EBPL: variants seen among roughly 807,000 people sequenced by gnomAD.
The protein encoded by EBPL is emopamil-binding protein-like.
Under a neutral mutation model 19.0 loss-of-function variants are expected in EBPL, and 20 were observed. The ratio of observed to expected loss-of-function variants is 1.05; its 90% CI spans 0.74 to 1.53. The LOEUF is 1.53. Ranked by LOEUF, EBPL falls within the 40% of genes most tolerant of loss-of-function variation. EBPL has a pLI of 0.00. For synonymous variants in EBPL, 107 were observed against 117.0 expected, an observed-to-expected ratio of 0.91 and a Z score of 0.55; for missense variants, 219 against 261.1, an observed-to-expected ratio of 0.84 and a Z score of 1.11.
At chr13:49,661,588 G>A (rs577632777) in intron 3 of EBPL, among the ~76,000 whole-genome samples, 9 of 152,284 alleles carry the variant, frequency 5.9e-5, no homozygotes, top group Non-Finnish European at 7.4e-5. Flanking sequence ...TCCTCAAACA[G>A]TGTAGTGCAG....
intron 1 of EBPL, among the ~76,000 whole-genome samples, chr13:49,683,836 T>C: frequency 6.6e-6 from 1 of 152,162 alleles, no homozygotes; most frequent in Admixed American, 6.5e-5. Context: ...TTCCAAGGCC[T>C]CGGCCTAGGA....
intron 1 of EBPL, among the ~76,000 whole-genome samples, chr13:49,681,415 T>G (rs9568303): frequency 2.6e-5 from 4 of 152,008 alleles, no homozygotes; most frequent in African/African-American, 7.2e-5. Context: ...CTCAGCCTCC[T>G]GAGTAGCTGA....
intron 3 of EBPL, 111 bp from the exon 4 acceptor site, chr13:49,661,319 C>T (rs936827271): frequency 1.4e-5 from 12 of 887,910 alleles, no homozygotes; most frequent in African/African-American, 8.4e-5. Context: ...CTATGAAAAC[C>T]GTCCTAAGTT....
At chr13:49,685,865 A>AG (rs1491395743) in intron 1 of EBPL, among the ~76,000 whole-genome samples, 73 of 145,358 alleles carry the variant, frequency 5.0e-4, no homozygotes, top group Admixed American at 1.2e-3. Context: ...AGAGAGAGAG[A>AG]AAAAAAAAAA....
At chr13:49,667,713 G>A (rs1385836979) in intron 2 of EBPL, among the ~76,000 whole-genome samples, 1 of 152,148 alleles carries the variant, frequency 6.6e-6, no homozygotes, top group Non-Finnish European at 1.5e-5. Flanking sequence ...TCAAACTCCT[G>A]GGCTCAAATA....
chr13:49,679,080 C>G (rs1419420645), intron 1 of EBPL, among the ~76,000 whole-genome samples: 5 of 151,424 alleles, frequency 3.3e-5, no homozygotes, highest in Non-Finnish European at 7.4e-5. Flanking sequence ...AAGATCAAAG[C>G]CACTGAAAAC....
chr13:49,674,271 T>G (rs1376437900), intron 1 of EBPL, among the ~76,000 whole-genome samples: 2 of 151,982 alleles, frequency 1.3e-5, no homozygotes, highest in African/African-American at 2.4e-5. Context: ...CCTGGCTAAT[T>G]TTTTGTATTT....
chr13:49,690,494 C>T (rs1165949366), intron 1 of EBPL, among the ~76,000 whole-genome samples: 2 of 63,356 alleles, frequency 3.2e-5, no homozygotes, highest in Non-Finnish European at 4.3e-5. Context: ...TGTGTGCGTG[C>T]GCGTGTGTGG....
chr13:49,690,932 T>C (rs73192681), intron 1 of EBPL, among the ~76,000 whole-genome samples: 9,435 of 152,230 alleles, frequency 0.062, 347 homozygotes, highest in South Asian at 0.11. Context: ...CTCTCAATTA[T>C]GTCCAGTTCA....
At position 49,686,683 on chromosome 13, in the gene EBPL, C is replaced by G. The variant is rs1954002371; in HGVS notation, c.171+4571G>C. On this transcript the variant is annotated intron_variant, in intron 1 of 3. Transcript: ENST00000242827. Reference sequence around the variant, plus strand: ...TCTAGCTCAGCAAAAGCAGTCATACCTGGGGCTTCGTGCTATCTCCCCCAA... The same window carrying G: ...TCTAGCTCAGCAAAAGCAGTCATACGTGGGGCTTCGTGCTATCTCCCCCAA... 13 of 1,230,204 alleles carry G rather than the reference C, an allele frequency of 1.1e-5. No homozygotes were observed. In the East Asian group the frequency reaches 1.7e-4, roughly 16 times the overall value. The allele number at this position is 1,230,204 out of a possible 1,614,324, so 76.2% of individuals were successfully genotyped here. A position where few individuals can be genotyped will look rare whatever the true frequency, so the allele number is the denominator to read the frequency against.
rs770695528 is a variant in EBPL, at chr13:49,661,076, A to G, written c.513T>C (p.Phe171=). 19 of 1,614,162 alleles carry G rather than the reference A, an allele frequency of 1.2e-5. No individual in the cohort carries two copies. Among genetic ancestry groups the G allele is most frequent in the Non-Finnish European group, 1.5e-5 (18 of 1,180,028 alleles). The part of the protein sequence containing the change: ...NWLYCWLYLF[F]FNGVWVLIPG... ...GGATCAGAACCCACACACCGTTAAA[A>G]AAAAACAGGTAAAGCCAACAGTACA... The change falls in exon 4 of 4, where the codon TTT becomes TTC. Residue 171 remains phenylalanine, a synonymous_variant. Coordinates refer to ENST00000242827, the MANE Select transcript of EBPL (RefSeq NM_032565.5).
At chr13:49,661,243 A>G in intron 3 of EBPL, 35 bp from the exon 4 acceptor site, 4 of 1,546,622 alleles carry the variant, frequency 2.6e-6, no homozygotes, top group Non-Finnish European at 2.7e-6. Context: ...ATGAACCACC[A>G]GCTTGGCACA....
chr13:49,688,543 C>T (rs1954024292), intron 1 of EBPL, among the ~76,000 whole-genome samples: 4 of 151,942 alleles, frequency 2.6e-5, no homozygotes, highest in Admixed American at 2.6e-4. Flanking sequence ...TATGGTGAAA[C>T]CCCGTCTCTA....
chr13:49,678,190 T>G (rs1027905540), intron 1 of EBPL, among the ~76,000 whole-genome samples: 3 of 152,254 alleles, frequency 2.0e-5, no homozygotes, highest in African/African-American at 7.2e-5. Context: ...CACAGAATGC[T>G]GATTAGTACA....
intron 1 of EBPL, among the ~76,000 whole-genome samples, chr13:49,685,963 T>A (rs566882182): frequency 6.6e-6 from 1 of 152,060 alleles, no homozygotes; most frequent in Admixed American, 6.5e-5. Flanking sequence ...ATGCCCAGCT[T>A]CAGAGAGGGC....
At chr13:49,673,719 G>C (rs578077998) in intron 1 of EBPL, among the ~76,000 whole-genome samples, 1 of 152,284 alleles carries the variant, frequency 6.6e-6, no homozygotes, top group Non-Finnish European at 1.5e-5. Flanking sequence ...TTACAGGCTT[G>C]AGCCACCATG....
chr13:49,674,397 C>A (rs187626786), intron 1 of EBPL, among the ~76,000 whole-genome samples: 30 of 152,270 alleles, frequency 2.0e-4, no homozygotes, highest in African/African-American at 6.3e-4. Flanking sequence ...AGCCACTGCA[C>A]CTGGCTGAAA....
intron 3 of EBPL, 53 bp downstream of exon 3, chr13:49,663,004 T>A: frequency 6.2e-7 from 1 of 1,606,580 alleles, no homozygotes; most frequent in Non-Finnish European, 8.5e-7. Flanking sequence ...ACCTAAGTGT[T>A]GGGACATGTA....
chr13:49,683,542 C>CA (rs1566321534), intron 1 of EBPL, among the ~76,000 whole-genome samples: 2 of 111,196 alleles, frequency 1.8e-5, no homozygotes. Context: ...AACAAACAAA[C>CA]AAACAAAAAA....
Sources: allele counts gnomAD v4.1 joint callset (sites outside exome capture counted in the v4.1 genomes callset), GRCh38; gene constraint gnomAD v4.1.1; transcripts MANE v1.5; gene names NCBI Gene and HGNC (gene_info 2026-07-23, HGNC 2026-07-21).